Variants in CDH18 observed in about 807,000 individuals in gnomAD.
The protein encoded by CDH18 is cadherin-18.
In CDH18, 31 loss-of-function variants were observed where a neutral mutation model predicts 67.9. The observed-to-expected ratio is 0.46, with a 90% CI of 0.34 to 0.62. The LOEUF (loss-of-function observed/expected upper bound fraction) is 0.62. CDH18 is among the 20% of genes least tolerant of loss of function. CDH18 has a pLI of 0.01. For synonymous variants in CDH18, 362 were observed against 347.2 expected (o/e 1.04, Z -0.48); for missense variants, 890 against 975.5 (o/e 0.91, Z 1.17).
At chr5:19,772,979 G>A (rs1024943865) in intron 3 of CDH18, among the ~76,000 whole-genome samples, 6 of 152,068 alleles carry the variant, frequency 3.9e-5, no homozygotes, top group Non-Finnish European at 8.8e-5. Context: ...ATAATTAAGA[G>A]CTGGTGAATT....
At chr5:20,426,529 T>C (rs889606864) in intron 1 of CDH18, among the ~76,000 whole-genome samples, 2 of 151,204 alleles carry the variant, frequency 1.3e-5, no homozygotes, top group African/African-American at 4.9e-5. Context: ...CTTTCCACTT[T>C]TTAATCCACT....
chr5:20,426,195 G>C (rs1048305076), intron 1 of CDH18, among the ~76,000 whole-genome samples: 2 of 150,888 alleles, frequency 1.3e-5, no homozygotes, highest in Non-Finnish European at 2.9e-5. Flanking sequence ...TGAATAGCAG[G>C]ATATTAATAG....
intron 2 of CDH18, among the ~76,000 whole-genome samples, chr5:20,253,873 T>A (rs1744039213): frequency 6.6e-6 from 1 of 152,190 alleles, no homozygotes; most frequent in Non-Finnish European, 1.5e-5. Flanking sequence ...GAGGTTGACA[T>A]GTAAATCCAA....
chr5:19,572,523 A>G (rs1179345492), intron 7 of CDH18, among the ~76,000 whole-genome samples: 1 of 152,172 alleles, frequency 6.6e-6, no homozygotes, highest in Non-Finnish European at 1.5e-5. Flanking sequence ...AGGTTGCTAT[A>G]ACAGAATACC....
At chr5:19,694,708 C>T (rs1374076073) in intron 5 of CDH18, among the ~76,000 whole-genome samples, 1 of 151,250 alleles carries the variant, frequency 6.6e-6, no homozygotes, top group East Asian at 2.0e-4. Flanking sequence ...TTCCTATTGT[C>T]TCCTGGAGTT....
chr5:19,763,726 G>T (rs1358993638), intron 3 of CDH18, among the ~76,000 whole-genome samples: 1 of 152,040 alleles, frequency 6.6e-6, no homozygotes, highest in Admixed American at 6.6e-5. Flanking sequence ...GAGAAGAGAA[G>T]AATTTAGTTT....
At chr5:19,868,372 C>A (rs558963890) in intron 2 of CDH18, among the ~76,000 whole-genome samples, 1 of 152,182 alleles carries the variant, frequency 6.6e-6, no homozygotes, top group South Asian at 2.1e-4. Flanking sequence ...TAATTAATAA[C>A]CTTACACTCA....
chr5:20,290,373 C>T (rs756759683), intron 1 of CDH18, among the ~76,000 whole-genome samples: 15 of 152,058 alleles, frequency 9.9e-5, no homozygotes, highest in Admixed American at 9.8e-4. Flanking sequence ...ACCTGTGCAG[C>T]TAGAAATGTG....
chr5:20,443,231 A>AAAAAAAG (rs60830932), intron 1 of CDH18, among the ~76,000 whole-genome samples: 1 of 141,280 alleles, frequency 7.1e-6, no homozygotes. Flanking sequence ...AAAAAAAAAA[A>AAAAAAAG]GTATATCTTT....
At chr5:19,715,604 T>C (rs1765248496) in intron 5 of CDH18, among the ~76,000 whole-genome samples, 1 of 152,156 alleles carries the variant, frequency 6.6e-6, no homozygotes, top group African/African-American at 2.4e-5. Context: ...TTATTTATCA[T>C]GTTTGTAAAA....
At chr5:19,976,833 T>C (rs553233982) in intron 2 of CDH18, among the ~76,000 whole-genome samples, 5 of 152,068 alleles carry the variant, frequency 3.3e-5, no homozygotes, top group African/African-American at 9.6e-5. Flanking sequence ...GAGGCAAAAA[T>C]AAAGACAAGA....
At chr5:19,999,934 A>C (rs1046181376) in intron 2 of CDH18, among the ~76,000 whole-genome samples, 2 of 152,188 alleles carry the variant, frequency 1.3e-5, no homozygotes, top group African/African-American at 4.8e-5. Context: ...TTATGTATTA[A>C]GTTCCATCTC....
At chr5:19,704,845 T>C (rs1043440780) in intron 5 of CDH18, among the ~76,000 whole-genome samples, 1 of 152,194 alleles carries the variant, frequency 6.6e-6, no homozygotes, top group Non-Finnish European at 1.5e-5. Context: ...CTTAGAGCCA[T>C]TAATTCAGTT....
At chr5:20,423,946 C>CAAAAAAAAAAAAAAAAAA (rs553723574) in intron 1 of CDH18, among the ~76,000 whole-genome samples, 2 of 63,826 alleles carry the variant, frequency 3.1e-5, no homozygotes, top group African/African-American at 1.8e-4. Flanking sequence ...GACTCCGTCT[C>CAAAAAAAAAAAAAAAAAA]AAAAAAAAAA....
At chr5:19,920,975 G>A (rs1420537928) in intron 2 of CDH18, among the ~76,000 whole-genome samples, 1 of 151,204 alleles carries the variant, frequency 6.6e-6, no homozygotes, top group Admixed American at 6.6e-5. Context: ...AGCAATGAGG[G>A]AAAGATGAGT....
At chr5:20,313,826 C>G (rs1318978028) in intron 1 of CDH18, among the ~76,000 whole-genome samples, 1 of 152,012 alleles carries the variant, frequency 6.6e-6, no homozygotes, top group Non-Finnish European at 1.5e-5. Flanking sequence ...TGCACACAAT[C>G]ATACACACAT....
intron 1 of CDH18, among the ~76,000 whole-genome samples, chr5:20,287,622 G>T (rs2126722492): frequency 6.6e-6 from 1 of 151,830 alleles, no homozygotes; most frequent in Non-Finnish European, 1.5e-5. Flanking sequence ...CAACTCTAAT[G>T]ATATGCTAGC....
intron 2 of CDH18, among the ~76,000 whole-genome samples, chr5:20,230,409 T>G (rs1472944389): frequency 6.6e-6 from 1 of 152,198 alleles, no homozygotes; most frequent in Non-Finnish European, 1.5e-5. Flanking sequence ...CATTTAACCA[T>G]ATCATGATGT....
At chr5:20,525,434 C>T (rs1685132741) in intron 1 of CDH18, among the ~76,000 whole-genome samples, 1 of 152,046 alleles carries the variant, frequency 6.6e-6, no homozygotes, top group Non-Finnish European at 1.5e-5. Flanking sequence ...AAGCAACACC[C>T]TGGAAATCAG....
Sources: allele counts gnomAD v4.1 joint callset (sites outside exome capture counted in the v4.1 genomes callset), GRCh38; gene constraint gnomAD v4.1.1; transcripts MANE v1.5; gene names NCBI Gene and HGNC (gene_info 2026-07-23, HGNC 2026-07-21).